The following RNF10 variants were observed in gnomAD, a reference collection of about 807,000 sequenced individuals.
The protein encoded by RNF10 is E3 ubiquitin-protein ligase RNF10.
Under a neutral mutation model 91.4 loss-of-function variants are expected in RNF10, and 38 were observed. The observed-to-expected ratio is 0.42, with a 90% CI of 0.32 to 0.54. The LOEUF (loss-of-function observed/expected upper bound fraction) is 0.54, where lower values mean the gene tolerates loss of function less well. Among genes scored for constraint, RNF10 ranks in the 20% least tolerant of loss-of-function variants. RNF10 has a pLI of 0.16. For missense variants in RNF10, 945 were observed against 1,012.0 expected, an observed-to-expected ratio of 0.93 and a Z score of 0.90; for synonymous variants, 364 against 366.3, an observed-to-expected ratio of 0.99 and a Z score of 0.07.
chr12:120,556,229 T>C (rs1456283689), intron 4 of RNF10, among the ~76,000 whole-genome samples: 3 of 151,984 alleles, frequency 2.0e-5, no homozygotes, highest in Non-Finnish European at 1.5e-5. Flanking sequence ...GAGCAGGGGC[T>C]TTTGACCTTA....
At chr12:120,549,592 C>T (rs1001466575) in intron 2 of RNF10, among the ~76,000 whole-genome samples, 6 of 152,066 alleles carry the variant, frequency 3.9e-5, no homozygotes, top group Non-Finnish European at 7.4e-5. Flanking sequence ...TGAGACGGGC[C>T]TGGCTAATGT....
chr12:120,549,355 C>G (rs1248822189), intron 2 of RNF10, among the ~76,000 whole-genome samples: 1 of 152,126 alleles, frequency 6.6e-6, no homozygotes, highest in Non-Finnish European at 1.5e-5. Flanking sequence ...ACATGAGGGT[C>G]TACTGTGGTG....
At position 120,576,974 on chromosome 12, in the gene RNF10, T is replaced by C. The variant is rs1877477897; in HGVS notation, c.*308T>C. The C allele has an allele frequency of 2.7e-6, 1 of 364,628 alleles. No individual in the cohort carries two copies. Among genetic ancestry groups the C allele is most frequent in the African/African-American group, 2.1e-5 (1 of 46,788 alleles). The allele number at this position is 364,628 out of a possible 1,614,324, so 22.6% of individuals were successfully genotyped here. On this transcript the variant is annotated 3_prime_UTR_variant, in exon 17 of 17. Transcript: ENST00000325954. Reference sequence around the variant, plus strand: ...TAATTTTTCTCAACCCAAAGTAAGATTGAGTCCCCTTTGAGATGCATTAGA... The same window carrying C: ...TAATTTTTCTCAACCCAAAGTAAGACTGAGTCCCCTTTGAGATGCATTAGA...
Position 120,575,706 on chromosome 12 carries a change from G to T in RNF10, c.2200+18G>T. ...AAAGAAAGGTGAGGATGGTCCACTG[G>T]TGAAGGGGGAGTTTGGCTTCTTTCC... On this transcript the variant is annotated intron_variant, in intron 15 of 16. Coordinates refer to ENST00000325954, the MANE Select transcript of RNF10 (RefSeq NM_014868.5). 1 of 1,614,236 alleles carries T rather than the reference G, an allele frequency of 6.2e-7. No individual in the cohort carries two copies. Among genetic ancestry groups the T allele is most frequent in the Non-Finnish European group, 8.5e-7 (1 of 1,180,036 alleles).
intron 4 of RNF10, among the ~76,000 whole-genome samples, chr12:120,555,921 T>TG (rs1020201021): frequency 3.7e-4 from 57 of 152,116 alleles, no homozygotes; most frequent in African/African-American, 1.4e-3. Context: ...CCTGAGTAGC[T>TG]GGGATTACAG....
intron 1 of RNF10, among the ~76,000 whole-genome samples, chr12:120,542,452 C>T (rs570575633): frequency 9.2e-5 from 14 of 152,298 alleles, no homozygotes; most frequent in South Asian, 8.3e-4. Flanking sequence ...CCAAGTCCAG[C>T]GCTGAAACTT....
chr12:120,562,776 T>G (rs1027382766), intron 7 of RNF10, among the ~76,000 whole-genome samples, 169 bp from the exon 8 acceptor site: 10 of 152,210 alleles, frequency 6.6e-5, no homozygotes, highest in Non-Finnish European at 2.9e-5. Context: ...GCTTTTTGCT[T>G]CCTGTTTCCC....
Position 120,571,200 on chromosome 12 carries a change from T to G in RNF10, c.2051T>G (p.Leu684Arg). The G allele has an allele frequency of 6.2e-7, 1 of 1,613,524 alleles. No individual in the cohort carries two copies. The highest frequency in any genetic ancestry group is 8.5e-7 in the Non-Finnish European group (1 of 1,179,590). ...RSPGSHADFL[L>R]TPLSPTASQG... Reference sequence around the variant, plus strand: ...TCTGGTTCCCTTTCAGACTTTCTGCTGACCCCTCTGTCACCCACTGCCAGT... The same window carrying G: ...TCTGGTTCCCTTTCAGACTTTCTGCGGACCCCTCTGTCACCCACTGCCAGT... The change falls in exon 14 of 17, where the codon CTG becomes CGG. Residue 684 changes from leucine (L) to arginine (R), a missense_variant. Leu to Arg is a moderately radical substitution (Grantham distance 102). Transcript: ENST00000325954.
rs1043097 is a variant in RNF10, at chr12:120,534,781, C to T, written c.-31C>T. On this transcript the variant is annotated 5_prime_UTR_variant, in exon 1 of 17. Coordinates refer to ENST00000325954, the MANE Select transcript of RNF10 (RefSeq NM_014868.5). ...GGGTCCCCGCCGCGCCCGCTCCGCT[C>T]CGACTGCCGTCGCCGCCGAGGCCCC... 6.5e-7 allele frequency: 1 copy of T among 1,540,950 alleles called. No individual in the cohort carries two copies. The highest frequency in any genetic ancestry group is 1.4e-5 in the African/African-American group (1 of 72,312).
At chr12:120,537,108 C>T (rs530824582) in intron 1 of RNF10, among the ~76,000 whole-genome samples, 3 of 149,094 alleles carry the variant, frequency 2.0e-5, no homozygotes, top group South Asian at 2.2e-4. Context: ...TGAGGCAGGC[C>T]GATTACTTGA....
chr12:120,568,811 T>C (rs1354553972), intron 13 of RNF10, among the ~76,000 whole-genome samples: 1 of 152,106 alleles, frequency 6.6e-6, no homozygotes, highest in Non-Finnish European at 1.5e-5. Context: ...TGCTCAGTGC[T>C]GTGATGCATT....
At chr12:120,539,850 T>C (rs897738133) in intron 1 of RNF10, among the ~76,000 whole-genome samples, 9 of 151,948 alleles carry the variant, frequency 5.9e-5, no homozygotes, top group African/African-American at 1.9e-4. Context: ...CTTTTTTTTT[T>C]CCCTCAAGAC....
intron 1 of RNF10, among the ~76,000 whole-genome samples, chr12:120,541,496 A>G (rs1261812018): frequency 6.8e-6 from 1 of 146,574 alleles, no homozygotes; most frequent in African/African-American, 2.5e-5. Context: ...ATGCAGTGGC[A>G]CGATCTCCGC....
At chr12:120,544,687 G>T (rs1741417652) in intron 1 of RNF10, among the ~76,000 whole-genome samples, 1 of 152,108 alleles carries the variant, frequency 6.6e-6, no homozygotes, top group African/African-American at 2.4e-5. Flanking sequence ...TAATTATTAT[G>T]TTGTTAGAGT....
intron 4 of RNF10, among the ~76,000 whole-genome samples, chr12:120,556,125 C>T (rs1157460322): frequency 6.6e-6 from 1 of 151,836 alleles, no homozygotes; most frequent in Non-Finnish European, 1.5e-5. Context: ...GTGTTTTCTA[C>T]TGAAGTTATA....
In RNF10 at chr12:120,577,577, C is replaced by G. The variant is rs886884542; in HGVS notation, c.*911C>G. ...GAAGGCAAATAGTTGCAATAAATCA[C>G]CTGCACAAGCATTGTGAGCTTTTTG... On this transcript the variant is annotated 3_prime_UTR_variant, in exon 17 of 17. Coordinates refer to ENST00000325954, the MANE Select transcript of RNF10 (RefSeq NM_014868.5). 1.1e-5 allele frequency: 2 copies of G among 178,252 alleles called. No homozygotes were observed. The highest frequency in any genetic ancestry group is 5.5e-5 in the Admixed American group (1 of 18,106). 11.0% of individuals were successfully genotyped at this position (178,252 alleles called of 1,614,324 possible).
intron 14 of RNF10, among the ~76,000 whole-genome samples, 165 bp downstream of exon 14, chr12:120,571,456 A>G (rs1371427024): frequency 1.3e-5 from 2 of 152,136 alleles, no homozygotes; most frequent in East Asian, 3.9e-4. Context: ...TCGGAGCTTT[A>G]TGCAGCATGG....
At chr12:120,543,692 T>TG (rs1285037774) in intron 1 of RNF10, among the ~76,000 whole-genome samples, 6 of 152,014 alleles carry the variant, frequency 3.9e-5, no homozygotes, top group Non-Finnish European at 8.8e-5. Flanking sequence ...CCCAGCTACT[T>TG]GGGGGGCTGA....
intron 13 of RNF10, among the ~76,000 whole-genome samples, chr12:120,570,035 G>A (rs1819245772): frequency 6.6e-6 from 1 of 151,778 alleles, no homozygotes; most frequent in African/African-American, 2.4e-5. Context: ...TGTGTAGCGT[G>A]CCACCATGCC....
Sources: allele counts gnomAD v4.1 joint callset (sites outside exome capture counted in the v4.1 genomes callset), GRCh38; gene constraint gnomAD v4.1.1; transcripts MANE v1.5; gene names NCBI Gene and HGNC (gene_info 2026-07-23, HGNC 2026-07-21).